TMEM107: variants seen among roughly 807,000 people sequenced by gnomAD.
The protein encoded by TMEM107 is transmembrane protein 107.
A neutral mutation model predicts 16.8 loss-of-function variants in TMEM107; 18 were observed. The observed-to-expected ratio is 1.07, with a 90% CI of 0.74 to 1.59. The LOEUF (loss-of-function observed/expected upper bound fraction) is 1.59. Among genes scored for constraint, TMEM107 ranks in the 40% most tolerant of loss-of-function variants. TMEM107 has a pLI of 0.00. For missense variants in TMEM107, 152 were observed against 175.4 expected (o/e 0.87, Z 0.75); for synonymous variants, 68 against 71.6 (o/e 0.95, Z 0.25).
chr17:8,175,776 G>A lies in TMEM107; in HGVS notation c.237C>T (p.Asn79=), dbSNP rs1288478843. ...GGATACAGATGAGGCTCTGGGTGCT[G>A]TTGAACATGGAGACTCCTGAGAGGA... ...AGFLSGVSMF[N]STQSLISIGA... The change falls in exon 3 of 5, where the codon AAC becomes AAT. Residue 79 remains asparagine (N), a synonymous_variant. Coordinates refer to ENST00000437139, the MANE Select transcript of TMEM107 (RefSeq NM_183065.4). 3.1e-6 allele frequency: 5 copies of A among 1,613,960 alleles called. No individual in the cohort carries two copies. The South Asian group carries it at 4.4e-5, about 14-fold the overall frequency.
chr17:8,173,444 G>C lies in TMEM107; in HGVS notation c.*759C>G, dbSNP rs201787275. Reference sequence around the variant, plus strand: ...CAGCATAACACAAATGTAAGTGATCGTCAGAAAGAATCAGACAGGAGCAAT... The same window carrying C: ...CAGCATAACACAAATGTAAGTGATCCTCAGAAAGAATCAGACAGGAGCAAT... On this transcript the variant is annotated 3_prime_UTR_variant, in exon 5 of 5. Coordinates refer to ENST00000437139, the MANE Select transcript of TMEM107 (RefSeq NM_183065.4). 11 of 761,754 alleles carry C rather than the reference G, an allele frequency of 1.4e-5. No individual in the cohort carries two copies. Among genetic ancestry groups the C allele is most frequent in the Admixed American group, 3.4e-5 (2 of 58,786 alleles). 47.2% of individuals were successfully genotyped at this position (761,754 alleles called of 1,614,324 possible).
Position 8,173,522 on chromosome 17 carries a change from C to T in TMEM107, c.*681G>A, listed in dbSNP as rs572834319. On this transcript the variant is annotated 3_prime_UTR_variant, in exon 5 of 5. Coordinates refer to ENST00000437139, the MANE Select transcript of TMEM107 (RefSeq NM_183065.4). ...GAGACGTTAATCACGTTTCATGCAT[C>T]TCCAATCATCATGTTCTAATCTGCC... 1.6e-4 allele frequency: 126 copies of T among 765,388 alleles called. No homozygotes were observed. The highest frequency in any genetic ancestry group is 2.3e-4 in the Middle Eastern group (1 of 4,392). The allele number at this position is 765,388 out of a possible 1,614,324, so 47.4% of individuals were successfully genotyped here.
Position 8,174,115 on chromosome 17 carries a change from A to T in TMEM107, c.*88T>A. ...AGCAGAAGCAGTTTCCGAGGGGAAA[A>T]CCGAAGCCTATGCCTTCCTTCTTCC... On this transcript the variant is annotated 3_prime_UTR_variant, in exon 5 of 5. Transcript: ENST00000437139. 1 of 1,195,412 alleles carries T rather than the reference A, an allele frequency of 8.4e-7. No individual in the cohort carries two copies. The allele number at this position is 1,195,412 out of a possible 1,614,324, so 74.1% of individuals were successfully genotyped here.
Position 8,173,709 on chromosome 17 carries a change from T to C in TMEM107, c.*494A>G, listed in dbSNP as rs1403003639. 1 of 596,768 alleles carries C rather than the reference T, an allele frequency of 1.7e-6. No homozygotes were observed. The highest frequency in any genetic ancestry group is 3.0e-6 in the Non-Finnish European group (1 of 334,184). 37.0% of individuals were successfully genotyped at this position (596,768 alleles called of 1,614,324 possible). A position where few individuals can be genotyped will look rare whatever the true frequency, so the allele number is the denominator to read the frequency against. ...TAGCGTCCTTCCAGTTGTTTTGCCA[T>C]ATTAGCTCGCACATTTTTTTAAATT... On this transcript the variant is annotated 3_prime_UTR_variant, in exon 5 of 5. Coordinates refer to ENST00000437139, the MANE Select transcript of TMEM107 (RefSeq NM_183065.4).
In TMEM107 at chr17:8,176,241, G is replaced by A; in HGVS notation, c.46C>T (p.Leu16=). The change falls in exon 1 of 5, where the codon CTG becomes TTG. Residue 16 remains leucine, a synonymous_variant. Coordinates refer to ENST00000437139, the MANE Select transcript of TMEM107 (RefSeq NM_183065.4). ...GTGATGACGACCACCAGATGCGCCA[G>A]GAGCGTCAGGAAGCGAGAGGGCACA... ...GLVPSRFLTL[L]AHLVVVITLF... 6.2e-7 allele frequency: 1 copy of A among 1,614,156 alleles called. No homozygotes were observed. The highest frequency in any genetic ancestry group is 2.2e-5 in the East Asian group (1 of 44,882).
rs142977470 is a variant in TMEM107 at position 8,175,031 on chromosome 17, C to T, written c.257-415G>A. 725 of 194,292 alleles carry T rather than the reference C, an allele frequency of 3.7e-3. 11 individuals carry two copies. The highest frequency in any genetic ancestry group is 0.021 in the Admixed American group (395 of 18,702). 12.0% of individuals were successfully genotyped at this position (194,292 alleles called of 1,614,324 possible). On this transcript the variant is annotated intron_variant, in intron 3 of 4. Coordinates refer to ENST00000437139, the MANE Select transcript of TMEM107 (RefSeq NM_183065.4). Reference sequence around the variant, plus strand: ...GCCTCTTCTGAGTTCCCAGTGCTCGCTTCCGTTGCCTCTTCTGAGTTCCCA... The same window carrying T: ...GCCTCTTCTGAGTTCCCAGTGCTCGTTTCCGTTGCCTCTTCTGAGTTCCCA...
chr17:8,173,491 T>C lies in TMEM107; in HGVS notation c.*712A>G, dbSNP rs762385657. On this transcript the variant is annotated 3_prime_UTR_variant, in exon 5 of 5. Coordinates refer to ENST00000437139, the MANE Select transcript of TMEM107 (RefSeq NM_183065.4). ...CAATCAGGGTGTTGCAAGTCCTGATTACGCAGAGACGTTAATCACGTTTCA... is the reference window on the plus strand; with the variant it reads ...CAATCAGGGTGTTGCAAGTCCTGATCACGCAGAGACGTTAATCACGTTTCA... 59 of 765,134 alleles carry C rather than the reference T, an allele frequency of 7.7e-5. No individual in the cohort carries two copies. The highest frequency in any genetic ancestry group is 2.4e-4 in the South Asian group (18 of 74,574). 47.4% of individuals were successfully genotyped at this position (765,134 alleles called of 1,614,324 possible). A position where few individuals can be genotyped will look rare whatever the true frequency, so the allele number is the denominator to read the frequency against.
rs76164795 is a variant in TMEM107 at position 8,173,546 on chromosome 17, C to A, written c.*657G>T. 1.0e-5 allele frequency: 8 copies of A among 765,364 alleles called. No homozygotes were observed. The highest frequency in any genetic ancestry group is 8.0e-5 in the South Asian group (6 of 74,612). The allele number at this position is 765,364 out of a possible 1,614,324, so 47.4% of individuals were successfully genotyped here. On this transcript the variant is annotated 3_prime_UTR_variant, in exon 5 of 5. Transcript: ENST00000437139. ...TCTCCAATCATCATGTTCTAATCTG[C>A]CCTCCGGAGGAGGAACAGGTAAGGA...
At chr17:8,174,699 C>G (rs1983987515) in intron 3 of TMEM107, 83 bp from the exon 4 acceptor site, 4 of 1,206,636 alleles carry the variant, frequency 3.3e-6, no homozygotes, top group Non-Finnish European at 4.9e-6. Context: ...GGGCTGGCAT[C>G]TGCATTCAGG....
rs754582308 is a variant in TMEM107, at chr17:8,173,459, A to G, written c.*744T>C. ...GTAAGTGATCGTCAGAAAGAATCAG[A>G]CAGGAGCAATCAGGGTGTTGCAAGT... On this transcript the variant is annotated 3_prime_UTR_variant, in exon 5 of 5. Transcript: ENST00000437139. The G allele has an allele frequency of 3.9e-6, 3 of 764,096 alleles. No homozygotes were observed. In the South Asian group the frequency reaches 4.0e-5, roughly 10 times the overall value. The allele number at this position is 764,096 out of a possible 1,614,324, so 47.3% of individuals were successfully genotyped here.
rs1598271211 is a variant in TMEM107 at position 8,173,190 on chromosome 17, G to A, written c.*1013C>T. The A allele has an allele frequency of 2.6e-6, 1 of 379,644 alleles. No individual in the cohort carries two copies. The highest frequency in any genetic ancestry group is 5.0e-5 in the East Asian group (1 of 19,802). 23.5% of individuals were successfully genotyped at this position (379,644 alleles called of 1,614,324 possible). ...TATTTACTGATGTGCAATGTTTCCT[G>A]AGAAGTGAGGATTAAAGTTATCAAA... On this transcript the variant is annotated 3_prime_UTR_variant, in exon 5 of 5. Transcript: ENST00000437139.
rs755859673 is a variant in TMEM107 at position 8,173,549 on chromosome 17, T to C, written c.*654A>G. 6.8e-5 allele frequency: 52 copies of C among 765,220 alleles called. No homozygotes were observed. In the Middle Eastern group the frequency reaches 9.0e-4, roughly 13 times the overall value. The allele number at this position is 765,220 out of a possible 1,614,324, so 47.4% of individuals were successfully genotyped here. A position where few individuals can be genotyped will look rare whatever the true frequency, so the allele number is the denominator to read the frequency against. On this transcript the variant is annotated 3_prime_UTR_variant, in exon 5 of 5. Transcript: ENST00000437139. ...CCAATCATCATGTTCTAATCTGCCC[T>C]CCGGAGGAGGAACAGGTAAGGATTA... is the stretch of plus-strand genomic sequence containing the variant.
chr17:8,173,226 CAA>C lies in TMEM107; in HGVS notation c.*975_*976del, dbSNP rs1451054683. The C allele has an allele frequency of 4.5e-6, 2 of 447,306 alleles. No homozygotes were observed. The highest frequency in any genetic ancestry group is 8.1e-6 in the Non-Finnish European group (2 of 247,616). The allele number at this position is 447,306 out of a possible 1,614,324, so 27.7% of individuals were successfully genotyped here. On this transcript the variant is annotated 3_prime_UTR_variant, in exon 5 of 5. Coordinates refer to ENST00000437139, the MANE Select transcript of TMEM107 (RefSeq NM_183065.4). ...ATTAAAGTTATCAAACGACAAAAAA[CAA>C]AGAGCCCATTTGTATTATTTCACTG...
At position 8,173,735 on chromosome 17, in the gene TMEM107, T is replaced by G. The variant is rs1983889966; in HGVS notation, c.*468A>C. 1 of 560,604 alleles carries G rather than the reference T, an allele frequency of 1.8e-6. No individual in the cohort carries two copies. Among genetic ancestry groups the G allele is most frequent in the Non-Finnish European group, 3.2e-6 (1 of 315,520 alleles). The allele number at this position is 560,604 out of a possible 1,614,324, so 34.7% of individuals were successfully genotyped here. ...ATTAGCTCGCACATTTTTTTAAATT[T>G]TTTTTTCATTCGGCTGCCGAAAAGG... On this transcript the variant is annotated 3_prime_UTR_variant, in exon 5 of 5. Coordinates refer to ENST00000437139, the MANE Select transcript of TMEM107 (RefSeq NM_183065.4).
At chr17:8,174,910 G>T in intron 3 of TMEM107, 1 of 379,960 alleles carries the variant, frequency 2.6e-6, no homozygotes. Flanking sequence ...TGCCACAAAG[G>T]AGTGCTGACA....
In TMEM107 at chr17:8,173,160, G is replaced by T. The variant is rs1567548311; in HGVS notation, c.*1043C>A. 6.0e-6 allele frequency: 2 copies of T among 330,846 alleles called. No individual in the cohort carries two copies. Among genetic ancestry groups the T allele is most frequent in the Non-Finnish European group, 1.1e-5 (2 of 174,064 alleles). 20.5% of individuals were successfully genotyped at this position (330,846 alleles called of 1,614,324 possible). On this transcript the variant is annotated 3_prime_UTR_variant, in exon 5 of 5. Transcript: ENST00000437139. ...GGGCAACCACCATGTGCACAAGACT[G>T]CAGATATTTACTGATGTGCAATGTT... is the stretch of plus-strand genomic sequence containing the variant.
Position 8,174,530 on chromosome 17 carries a change from C to A in TMEM107, c.343G>T (p.Val115Phe). The change falls in exon 4 of 5, where the codon GTC becomes TTC. Residue 115 changes from valine to phenylalanine, a missense_variant. Coordinates refer to ENST00000437139, the MANE Select transcript of TMEM107 (RefSeq NM_183065.4). ...TGGATGCTACCACACCTGCAGAAGA[C>A]AAAAATGTACCAATACGTAGTGCAC... ...WECTTYWYIF[V>F]FCSALPAVTE... The A allele has an allele frequency of 6.2e-7, 1 of 1,614,080 alleles. No homozygotes were observed.
chr17:8,173,741 T>G lies in TMEM107; in HGVS notation c.*462A>C. 1.8e-6 allele frequency: 1 copy of G among 560,900 alleles called. No individual in the cohort carries two copies. The allele number at this position is 560,900 out of a possible 1,614,324, so 34.7% of individuals were successfully genotyped here. On this transcript the variant is annotated 3_prime_UTR_variant, in exon 5 of 5. Coordinates refer to ENST00000437139, the MANE Select transcript of TMEM107 (RefSeq NM_183065.4). The stretch of plus-strand genomic sequence containing the variant: ...TCGCACATTTTTTTAAATTTTTTTT[T>G]CATTCGGCTGCCGAAAAGGAATAAA...
In TMEM107 at chr17:8,176,000, A is replaced by G. The variant is rs773717352; in HGVS notation, c.114T>C (p.Pro38=). The G allele has an allele frequency of 6.2e-7, 1 of 1,614,090 alleles. No individual in the cohort carries two copies. The highest frequency in any genetic ancestry group is 1.3e-5 in the African/African-American group (1 of 74,928). The part of the protein sequence containing the change: ...SRDSNIQACL[P]LTFTPEEYDK... Reference sequence around the variant, plus strand: ...CATACTCCTCGGGGGTGAACGTGAGAGGCAGGCAGGCCTGTATGTTGCTGT... The same window carrying G: ...CATACTCCTCGGGGGTGAACGTGAGGGGCAGGCAGGCCTGTATGTTGCTGT... Residue 38 remains proline (P), a synonymous_variant, in exon 2 of 5, where the codon CCT becomes CCC. Transcript: ENST00000437139.
Sources: gnomAD v4.1 joint callset for allele counts on GRCh38, gnomAD v4.1.1 for gene constraint, MANE v1.5 for transcripts, NCBI Gene and HGNC (gene_info 2026-07-23, HGNC 2026-07-21) for gene names.